Variants in R3HDM2 observed in about 807,000 individuals in gnomAD.
R3HDM2 encodes R3H domain containing 2, also known as R3H domain-containing protein 2.
Under a neutral mutation model 124.5 loss-of-function variants are expected in R3HDM2, and 38 were observed. The ratio of observed to expected loss-of-function variants is 0.31; its 90% confidence interval spans 0.24 to 0.40. The LOEUF is 0.40. Among genes scored for constraint, R3HDM2 ranks in the 10% least tolerant of loss-of-function variants. The pLI is 1.00. For missense variants in R3HDM2, 869 were observed against 1,236.9 expected (o/e 0.70, Z 4.46); for synonymous variants, 391 against 448.0 (o/e 0.87, Z 1.61).
chr12:57,360,047 ATTTT>A (rs57288626), intron 2 of R3HDM2, among the ~76,000 whole-genome samples: 1,838 of 113,328 alleles, frequency 0.016, 40 homozygotes, highest in African/African-American at 0.053. Context: ...ATATATATAT[ATTTT>A]TTTTTTTTTT....
intron 11 of R3HDM2, among the ~76,000 whole-genome samples, chr12:57,290,447 T>C (rs1036646911): frequency 6.6e-6 from 1 of 152,212 alleles, no homozygotes; most frequent in African/African-American, 2.4e-5. Flanking sequence ...AGTGTGAACT[T>C]AGGTGGCTGT....
intron 2 of R3HDM2, among the ~76,000 whole-genome samples, chr12:57,314,903 C>G (rs1044241804): frequency 1.3e-5 from 2 of 152,142 alleles, no homozygotes; most frequent in Non-Finnish European, 2.9e-5. Flanking sequence ...CACTCTGTCA[C>G]CCAGGCTGCA....
At chr12:57,310,113 A>G in intron 3 of R3HDM2, 151 bp downstream of exon 3, 1 of 506,842 alleles carries the variant, frequency 2.0e-6, no homozygotes, top group Non-Finnish European at 3.3e-6. Flanking sequence ...TGGGAGGCTG[A>G]CGTGGGAGGA....
intron 2 of R3HDM2, among the ~76,000 whole-genome samples, chr12:57,338,819 A>AAGGG (rs1018484674): frequency 4.6e-5 from 7 of 151,354 alleles, no homozygotes; most frequent in African/African-American, 1.7e-4. Flanking sequence ...TTTTTTTTCA[A>AAGGG]AGGGAGAGAG....
chr12:57,421,893 T>A (rs1300064830), intron 1 of R3HDM2, among the ~76,000 whole-genome samples: 2 of 151,962 alleles, frequency 1.3e-5, no homozygotes. Flanking sequence ...GATCAGGAGT[T>A]CACGACCAAC....
chr12:57,308,712 T>C (rs2053286470), intron 3 of R3HDM2, among the ~76,000 whole-genome samples: 1 of 152,060 alleles, frequency 6.6e-6, no homozygotes, highest in African/African-American at 2.4e-5. Flanking sequence ...ACTATAGATG[T>C]CCCTTCTTTT....
At chr12:57,393,650 A>G (rs2067064937) in intron 2 of R3HDM2, among the ~76,000 whole-genome samples, 1 of 152,162 alleles carries the variant, frequency 6.6e-6, no homozygotes, top group African/African-American at 2.4e-5. Context: ...GGCAAGAATA[A>G]TATTTAGTAA....
chr12:57,324,102 T>C (rs1485783727), intron 2 of R3HDM2, among the ~76,000 whole-genome samples: 3 of 152,168 alleles, frequency 2.0e-5, no homozygotes, highest in Non-Finnish European at 2.9e-5. Flanking sequence ...CATTACTAAC[T>C]TAAATGCCAG....
Position 57,296,363 on chromosome 12 carries a change from G to C in R3HDM2, c.701+48C>G. On this transcript the variant is annotated intron_variant, in intron 9 of 23. Transcript: ENST00000402412. This position sits in a 1 kb window ranked among gnomAD's most constrained non-coding sequence, Gnocchi z 4.5. ...TCCTACACCTTCCTCTTCCAACCCAGCAGGTTATCCCAGGGAAGTCTTCCC... is the reference window on the plus strand; with the variant it reads ...TCCTACACCTTCCTCTTCCAACCCACCAGGTTATCCCAGGGAAGTCTTCCC... The C allele has an allele frequency of 6.5e-7, 1 of 1,544,324 alleles. No individual in the cohort carries two copies. Among genetic ancestry groups the C allele is most frequent in the South Asian group, 1.2e-5 (1 of 83,802 alleles).
rs540501819 is a variant in R3HDM2 at position 57,314,837 on chromosome 12, T to C, written c.-35-4374A>G. On this transcript the variant is annotated intron_variant, in intron 2 of 23. Coordinates refer to ENST00000402412, the MANE Select transcript of R3HDM2 (RefSeq NM_001394031.1). ...TTTATTTGTCAGAAAGAAAAGGTGA[T>C]ATAAAAAATTATAAAGCAGTTTTCG... is the stretch of plus-strand genomic sequence containing the variant. Among the ~76,000 whole-genome samples the C allele has an allele frequency of 2.6e-5, 4 of 152,264 alleles. No individual in the cohort carries two copies. The South Asian group carries it at 8.3e-4, about 32-fold the overall frequency.
intron 1 of R3HDM2, among the ~76,000 whole-genome samples, chr12:57,417,800 C>T (rs1331632303): frequency 6.6e-6 from 1 of 152,178 alleles, no homozygotes. Context: ...TTGCTCCTTC[C>T]TCAAAATATT....
chr12:57,266,044 G>A (rs1159566258), intron 19 of R3HDM2, among the ~76,000 whole-genome samples: 1 of 151,332 alleles, frequency 6.6e-6, no homozygotes, highest in Non-Finnish European at 1.5e-5. Context: ...TGATCTGCCC[G>A]TCTTGGCCTC....
chr12:57,257,016 C>T (rs2039256246), intron 21 of R3HDM2, among the ~76,000 whole-genome samples: 1 of 152,048 alleles, frequency 6.6e-6, no homozygotes. Context: ...GATGGGGTTT[C>T]ACCACGTTGG....
intron 14 of R3HDM2, among the ~76,000 whole-genome samples, chr12:57,275,131 A>G (rs1462210171): frequency 2.0e-5 from 3 of 152,212 alleles, no homozygotes; most frequent in Admixed American, 6.5e-5. Context: ...ACATAGACCA[A>G]TGGAACAGAA....
intron 13 of R3HDM2, among the ~76,000 whole-genome samples, chr12:57,281,501 T>C (rs1472121561): frequency 1.3e-5 from 2 of 151,264 alleles, no homozygotes; most frequent in Non-Finnish European, 2.9e-5. Context: ...TTTTTCTTTT[T>C]TTGAGACAGG....
At chr12:57,315,972 A>G (rs960833016) in intron 2 of R3HDM2, among the ~76,000 whole-genome samples, 1 of 152,160 alleles carries the variant, frequency 6.6e-6, no homozygotes, top group East Asian at 1.9e-4. Flanking sequence ...TACAAAAATT[A>G]GCCGGGCGTG....
intron 21 of R3HDM2, among the ~76,000 whole-genome samples, chr12:57,257,007 A>T (rs1271905406): frequency 1.3e-5 from 2 of 151,916 alleles, no homozygotes; most frequent in Admixed American, 1.3e-4. Context: ...TTTAGTAGAG[A>T]TGGGGTTTCA....
At position 57,269,967 on chromosome 12, in the gene R3HDM2, G is replaced by T. The variant is rs766819566; in HGVS notation, c.1372C>A (p.Gln458Lys). The T allele has an allele frequency of 2.5e-6, 4 of 1,614,196 alleles. No individual in the cohort carries two copies. The highest frequency in any genetic ancestry group is 1.7e-5 in the Admixed American group (1 of 60,018). ...QADDLSNPFG[Q>K]MSLSRQGSTE... The stretch of plus-strand genomic sequence containing the variant: ...GAACCTTGGCGACTAAGGCTCATTT[G>T]TCCAAAGGGGTTGCTGAGGTCATCT... The change falls in exon 15 of 24, where the codon CAA becomes AAA. Residue 458 changes from glutamine (Q) to lysine (K), a missense_variant. By Grantham distance (53) the Gln-to-Lys change is moderately conservative. Around this residue, in one of 2 missense-constraint regions of R3HDM2, gnomAD observed 602 missense variants for 789.2 expected, o/e 0.76. Coordinates refer to ENST00000402412, the MANE Select transcript of R3HDM2 (RefSeq NM_001394031.1).
chr12:57,304,420 A>G, intron 3 of R3HDM2: 1 of 787,178 alleles, frequency 1.3e-6, no homozygotes, highest in African/African-American at 1.9e-5. Flanking sequence ...TGGGGCGTAG[A>G]GGGAACTGAG....
Sources: allele counts gnomAD v4.1 joint callset (sites outside exome capture counted in the v4.1 genomes callset), GRCh38; gene constraint gnomAD v4.1.1; regional missense constraint gnomAD v4.1.1; non-coding constraint Gnocchi (gnomAD v3.1); transcripts MANE v1.5; gene names NCBI Gene and HGNC (gene_info 2026-07-23, HGNC 2026-07-21).